Variants in AGBL4 observed in about 807,000 individuals in gnomAD.
AGBL4 encodes the protein AGBL carboxypeptidase 4.
Under a neutral mutation model 66.4 loss-of-function variants are expected in AGBL4, and 58 were observed. That is an observed-to-expected ratio of 0.87 (90% CI 0.71 to 1.09). The LOEUF (loss-of-function observed/expected upper bound fraction) is 1.09. Ranked by LOEUF, AGBL4 falls within the 50% of genes least tolerant of loss-of-function variation. The probability of loss-of-function intolerance (pLI) is 0.00; values close to 1 mark genes in which losing one functional copy is unlikely to be tolerated. For missense variants in AGBL4, 579 were observed against 631.0 expected, an observed-to-expected ratio of 0.92 and a Z score of 0.88; for synonymous variants, 234 against 222.9, an observed-to-expected ratio of 1.05 and a Z score of -0.44.
At chr1:49,533,611 A>G (rs1651320856) in intron 3 of AGBL4, among the ~76,000 whole-genome samples, 2 of 152,076 alleles carry the variant, frequency 1.3e-5, no homozygotes, top group African/African-American at 2.4e-5. Flanking sequence ...AAGGTCTTCA[A>G]TCTATTCTCC....
At chr1:49,099,140 T>C (rs749516499) in intron 4 of AGBL4, among the ~76,000 whole-genome samples, 4 of 152,070 alleles carry the variant, frequency 2.6e-5, no homozygotes, top group Non-Finnish European at 4.4e-5. Flanking sequence ...TTCTCCACTA[T>C]CCCACTAAGC....
intron 3 of AGBL4, among the ~76,000 whole-genome samples, chr1:49,647,299 A>T (rs1645908969): frequency 6.6e-6 from 1 of 152,118 alleles, no homozygotes; most frequent in African/African-American, 2.4e-5. Context: ...ATTGAAAAAA[A>T]CTACAACTTT....
chr1:48,773,249 T>TA (rs559147352), intron 6 of AGBL4, among the ~76,000 whole-genome samples: 38 of 148,592 alleles, frequency 2.6e-4, no homozygotes, highest in Admixed American at 8.8e-4. Flanking sequence ...TTGAGCCTCC[T>TA]AAAAAAAAAA....
At chr1:49,805,663 C>T (rs1015209048) in intron 2 of AGBL4, among the ~76,000 whole-genome samples, 1 of 152,106 alleles carries the variant, frequency 6.6e-6, no homozygotes, top group Non-Finnish European at 1.5e-5. Flanking sequence ...ACATTAAAAC[C>T]TAATCAGCAA....
chr1:49,398,040 A>G (rs914843916), intron 3 of AGBL4, among the ~76,000 whole-genome samples: 1 of 152,188 alleles, frequency 6.6e-6, no homozygotes, highest in Non-Finnish European at 1.5e-5. Flanking sequence ...TTTTAATACA[A>G]TATGCTCAAA....
At chr1:48,825,433 T>G (rs761800440) in intron 6 of AGBL4, among the ~76,000 whole-genome samples, 97 of 152,316 alleles carry the variant, frequency 6.4e-4, no homozygotes, top group Non-Finnish European at 1.0e-3. Context: ...TGTGGCACAA[T>G]ATCTTATTGC....
At chr1:48,737,238 C>T (rs972534851) in intron 6 of AGBL4, among the ~76,000 whole-genome samples, 2 of 152,092 alleles carry the variant, frequency 1.3e-5, no homozygotes, top group South Asian at 2.1e-4. Flanking sequence ...GAGCCGAGAT[C>T]GTGCCACTGC....
At chr1:49,017,196 G>A (rs1041271334) in intron 5 of AGBL4, among the ~76,000 whole-genome samples, 4 of 152,138 alleles carry the variant, frequency 2.6e-5, no homozygotes, top group Admixed American at 2.6e-4. Context: ...TATGTACTAC[G>A]GTTGACATCT....
chr1:49,177,540 C>T (rs1646854127), intron 4 of AGBL4, among the ~76,000 whole-genome samples: 1 of 152,128 alleles, frequency 6.6e-6, no homozygotes, highest in Middle Eastern at 3.2e-3. Flanking sequence ...ACTCATCAGT[C>T]ATATTGAAAC....
At chr1:48,751,358 A>T in intron 6 of AGBL4, among the ~76,000 whole-genome samples, 1 of 152,214 alleles carries the variant, frequency 6.6e-6, no homozygotes, top group East Asian at 1.9e-4. Context: ...ATCAGGAGGC[A>T]GGCAAAAGGG....
At chr1:49,351,053 G>C (rs1470169886) in intron 3 of AGBL4, among the ~76,000 whole-genome samples, 1 of 152,082 alleles carries the variant, frequency 6.6e-6, no homozygotes, top group Non-Finnish European at 1.5e-5. Flanking sequence ...TCTTTCAAAG[G>C]GTCTGTGAAT....
intron 2 of AGBL4, among the ~76,000 whole-genome samples, chr1:49,828,498 T>C (rs1305396880): frequency 6.6e-6 from 1 of 152,104 alleles, no homozygotes; most frequent in Non-Finnish European, 1.5e-5. Context: ...AAAACAAATA[T>C]GGCCTGCTCT....
At chr1:49,603,929 TACACACACACACACACACACACAC>T (rs60862640) in intron 3 of AGBL4, among the ~76,000 whole-genome samples, 42 of 140,630 alleles carry the variant, frequency 3.0e-4, no homozygotes, top group African/African-American at 8.4e-4. Flanking sequence ...TTCCATGGTA[TACACACACACACACACACACACAC>T]ACACACACAC....
intron 6 of AGBL4, among the ~76,000 whole-genome samples, chr1:48,814,769 A>G (rs1318360688): frequency 6.6e-6 from 1 of 152,116 alleles, no homozygotes. Context: ...CTAGTATTCC[A>G]TTGTGTATAT....
chr1:49,966,578 C>A (rs1657581012), intron 1 of AGBL4, among the ~76,000 whole-genome samples: 1 of 152,072 alleles, frequency 6.6e-6, no homozygotes, highest in Non-Finnish European at 1.5e-5. Context: ...TCAAACCCCA[C>A]CATCTCCACT....
chr1:49,873,480 A>G (rs919329212), intron 1 of AGBL4, among the ~76,000 whole-genome samples: 1 of 152,150 alleles, frequency 6.6e-6, no homozygotes, highest in Non-Finnish European at 1.5e-5. Context: ...AAACCGAGTC[A>G]TGCAATAAAC....
intron 6 of AGBL4, among the ~76,000 whole-genome samples, chr1:48,700,168 G>C (rs982287669): frequency 5.3e-5 from 8 of 152,066 alleles, no homozygotes; most frequent in Admixed American, 3.3e-4. Flanking sequence ...ACACACAATA[G>C]AGTCTATCAA....
chr1:48,659,521 G>A (rs947479958), intron 7 of AGBL4, among the ~76,000 whole-genome samples: 1 of 152,222 alleles, frequency 6.6e-6, no homozygotes, highest in Non-Finnish European at 1.5e-5. Context: ...TTCAATGAAA[G>A]TTGGCCCCAG....
intron 2 of AGBL4, among the ~76,000 whole-genome samples, chr1:49,791,342 C>A (rs1644594305): frequency 6.6e-6 from 1 of 151,910 alleles, no homozygotes; most frequent in African/African-American, 2.4e-5. Context: ...ATGTTATATA[C>A]ATATATATGT....
Sources: gnomAD v4.1 joint callset for allele counts (sites outside exome capture counted in the v4.1 genomes callset) on GRCh38, gnomAD v4.1.1 for gene constraint, MANE v1.5 for transcripts, NCBI Gene and HGNC (gene_info 2026-07-23, HGNC 2026-07-21) for gene names.